DCAF1: variants seen among roughly 807,000 people sequenced by gnomAD.
DCAF1 encodes DDB1 and CUL4 associated factor 1.
In DCAF1, 15 loss-of-function variants were observed where a neutral mutation model predicts 128.0. That is an observed-to-expected ratio of 0.12 (90% confidence interval 0.08 to 0.18). The LOEUF (loss-of-function observed/expected upper bound fraction) is 0.18. Among genes scored for constraint, DCAF1 ranks in the 10% least tolerant of loss-of-function variants. DCAF1 has a pLI of 1.00. For missense variants in DCAF1, 988 were observed against 1,649.5 expected, an observed-to-expected ratio of 0.60 and a Z score of 6.95; for synonymous variants, 610 against 603.0, an observed-to-expected ratio of 1.01 and a Z score of -0.17.
intron 6 of DCAF1, among the ~76,000 whole-genome samples, chr3:51,461,879 A>T (rs1406760663): frequency 2.0e-5 from 3 of 152,086 alleles, no homozygotes; most frequent in African/African-American, 7.2e-5. Flanking sequence ...ACATGGACAC[A>T]GGAAGGGGAA....
chr3:51,430,842 C>T (rs1308538097), intron 10 of DCAF1, among the ~76,000 whole-genome samples: 4 of 152,074 alleles, frequency 2.6e-5, no homozygotes, highest in African/African-American at 4.8e-5. Context: ...TGTCATAGCT[C>T]GAGAAGAAAT....
intron 23 of DCAF1, among the ~76,000 whole-genome samples, chr3:51,407,175 A>C (rs1316686982): frequency 9.3e-5 from 14 of 150,982 alleles, no homozygotes; most frequent in South Asian, 2.1e-4. Flanking sequence ...AAAAAAAAAA[A>C]AAAACAACAA....
intron 6 of DCAF1, among the ~76,000 whole-genome samples, chr3:51,454,409 T>A (rs1553642294): frequency 6.6e-6 from 1 of 152,178 alleles, no homozygotes; most frequent in African/African-American, 2.4e-5. Context: ...TCACCCAGAG[T>A]GGAGTGGAGT....
chr3:51,463,314 TTA>T, intron 5 of DCAF1, 87 bp from the exon 6 acceptor site: 1 of 689,834 alleles, frequency 1.4e-6, no homozygotes, highest in African/African-American at 1.9e-5. Context: ...CATATTCCCA[TTA>T]CTTTCTTAAC....
intron 17 of DCAF1, 76 bp downstream of exon 17, chr3:51,418,040 A>C: frequency 6.6e-7 from 1 of 1,519,902 alleles, no homozygotes; most frequent in South Asian, 1.3e-5. Flanking sequence ...AAAGGCTTCC[A>C]GTCTAAGAAC....
At chr3:51,417,970 C>A in intron 17 of DCAF1, 146 bp downstream of exon 17, 1 of 1,002,704 alleles carries the variant, frequency 1.0e-6, no homozygotes, top group Non-Finnish European at 1.4e-6. Context: ...TCTTATTAAA[C>A]ATGAGTCTTA....
chr3:51,449,026 C>G (rs1303107571), intron 6 of DCAF1, among the ~76,000 whole-genome samples: 7 of 151,782 alleles, frequency 4.6e-5, no homozygotes, highest in African/African-American at 1.7e-4. Context: ...AACTAGAAAT[C>G]AACAATATCG....
intron 10 of DCAF1, among the ~76,000 whole-genome samples, chr3:51,432,790 T>C (rs36140019): frequency 0.068 from 10,283 of 152,192 alleles, 908 homozygotes; most frequent in East Asian, 0.33. Context: ...TAAATGTCAT[T>C]GCACTAAGAC....
chr3:51,428,617 C>T (rs2107523034), intron 12 of DCAF1, among the ~76,000 whole-genome samples: 1 of 152,264 alleles, frequency 6.6e-6, no homozygotes, highest in South Asian at 2.1e-4. Flanking sequence ...TCAAATTCCA[C>T]AATGATAGTG....
chr3:51,416,978 TA>T, intron 17 of DCAF1, 107 bp from the exon 18 acceptor site: 1 of 1,499,516 alleles, frequency 6.7e-7, no homozygotes. Flanking sequence ...CACACTCACC[TA>T]AAGATCCTGG....
At chr3:51,445,173 TAAA>T (rs1553639960) in intron 6 of DCAF1, among the ~76,000 whole-genome samples, 2 of 152,094 alleles carry the variant, frequency 1.3e-5, no homozygotes, top group Non-Finnish European at 2.9e-5. Flanking sequence ...ATCACAGATT[TAAA>T]AAGAAAAAAT....
At chr3:51,429,992 G>C (rs191589420) in intron 11 of DCAF1, 41 bp downstream of exon 11, 1 of 772,476 alleles carries the variant, frequency 1.3e-6, no homozygotes, top group Admixed American at 1.7e-5. Context: ...AGACAACCAG[G>C]ACCCTCAATC....
chr3:51,502,135 C>A (rs1350686837), upstream of DCAF1, among the ~76,000 whole-genome samples: 2 of 152,162 alleles, frequency 1.3e-5, no homozygotes, highest in Admixed American at 1.3e-4. Flanking sequence ...GTGGTGACTT[C>A]TCCGCTGGCT....
At chr3:51,476,747 G>A (rs191557080) in intron 3 of DCAF1, among the ~76,000 whole-genome samples, 22 of 151,828 alleles carry the variant, frequency 1.4e-4, no homozygotes, top group African/African-American at 3.9e-4. Context: ...GTGTGTTGGC[G>A]GGTGCCTGTA....
intron 24 of DCAF1, 83 bp from the exon 25 acceptor site, chr3:51,398,910 C>A: frequency 1.3e-6 from 2 of 1,501,386 alleles, no homozygotes; most frequent in Non-Finnish European, 1.8e-6. Flanking sequence ...CACTCACATA[C>A]ATTCATGCCC....
intron 20 of DCAF1, 79 bp from the exon 21 acceptor site, chr3:51,413,465 C>T (rs1553629266): frequency 1.3e-6 from 2 of 1,526,324 alleles, no homozygotes; most frequent in African/African-American, 1.4e-5. Flanking sequence ...ATGTTAATGG[C>T]CAATCAAAAC....
At chr3:51,438,464 A>T (rs1553637694) in intron 9 of DCAF1, among the ~76,000 whole-genome samples, 2 of 152,260 alleles carry the variant, frequency 1.3e-5, no homozygotes, top group Non-Finnish European at 2.9e-5. Flanking sequence ...ATATAGCTAC[A>T]TGTAAACATT....
At chr3:51,498,048 TCAA>T (rs1708424735) in intron 1 of DCAF1, among the ~76,000 whole-genome samples, 1 of 21,618 alleles carries the variant, frequency 4.6e-5, no homozygotes, top group Non-Finnish European at 9.9e-5. Flanking sequence ...AGACTCTGTC[TCAA>T]AAAAAAAAAA....
upstream of DCAF1, among the ~76,000 whole-genome samples, chr3:51,500,490 T>C (rs1708744722): frequency 6.6e-6 from 1 of 152,184 alleles, no homozygotes; most frequent in Admixed American, 6.6e-5. Flanking sequence ...CATAAACATA[T>C]CAGAAATCAC....
Sources: allele counts gnomAD v4.1 joint callset (sites outside exome capture counted in the v4.1 genomes callset), GRCh38; gene constraint gnomAD v4.1.1; transcripts MANE v1.5; gene names NCBI Gene and HGNC (gene_info 2026-07-23, HGNC 2026-07-21).